The following SPECC1 variants were observed in gnomAD, a reference collection of about 807,000 sequenced individuals.
SPECC1 encodes cytospin-B.
A neutral mutation model predicts 104.1 loss-of-function variants in SPECC1; 62 were observed. The ratio of observed to expected loss-of-function variants is 0.60; its 90% confidence interval spans 0.49 to 0.74. The LOEUF (loss-of-function observed/expected upper bound fraction) is 0.74, where lower values mean the gene tolerates loss of function less well. Among genes scored for constraint, SPECC1 ranks in the 30% least tolerant of loss-of-function variants. The pLI, the probability that SPECC1 is intolerant of heterozygous loss-of-function variation, is 0.00. For missense variants in SPECC1, 1,306 were observed against 1,310.5 expected, an observed-to-expected ratio of 1.00 and a Z score of 0.05; for synonymous variants, 513 against 501.6, an observed-to-expected ratio of 1.02 and a Z score of -0.30.
At chr17:20,290,123 T>C (rs1324929166) in intron 12 of SPECC1, 1 of 152,156 alleles carries the variant, frequency 6.6e-6, no homozygotes, top group African/African-American at 2.4e-5. Context: ...CAGTGCAGTC[T>C]GTCCTGAGGC....
At chr17:20,147,714 A>C (rs1207153044) in intron 3 of SPECC1, among the ~76,000 whole-genome samples, 8 of 152,178 alleles carry the variant, frequency 5.3e-5, no homozygotes, top group African/African-American at 1.9e-4. Flanking sequence ...AAAGGTTTTT[A>C]CTAATTAAAG....
intron 3 of SPECC1, among the ~76,000 whole-genome samples, chr17:20,137,485 AT>A (rs1299927386): frequency 6.6e-6 from 1 of 152,166 alleles, no homozygotes; most frequent in African/African-American, 2.4e-5. Flanking sequence ...ATAAAATGTG[AT>A]TTTTCCCTCA....
intron 2 of SPECC1, among the ~76,000 whole-genome samples, chr17:20,100,265 T>G (rs2047882070): frequency 6.6e-6 from 1 of 152,090 alleles, no homozygotes; most frequent in African/African-American, 2.4e-5. Flanking sequence ...CCGCCTGACC[T>G]TTCCAGCCCT....
chr17:20,212,461 C>A (rs1435480429), intron 4 of SPECC1, among the ~76,000 whole-genome samples: 1 of 152,186 alleles, frequency 6.6e-6, no homozygotes, highest in African/African-American at 2.4e-5. Flanking sequence ...AGGTGAAAGG[C>A]ACATCTCACA....
At chr17:20,098,699 C>A (rs918228) in intron 2 of SPECC1, among the ~76,000 whole-genome samples, 1 of 151,922 alleles carries the variant, frequency 6.6e-6, no homozygotes, top group East Asian at 1.9e-4. Context: ...TCCCTCTGCC[C>A]GGAAAGCACC....
intron 7 of SPECC1, among the ~76,000 whole-genome samples, chr17:20,236,067 C>T (rs961365738): frequency 2.6e-5 from 4 of 152,238 alleles, no homozygotes; most frequent in African/African-American, 7.2e-5. Context: ...AGGGGAGGGG[C>T]GGAAGTTGGA....
intron 3 of SPECC1, among the ~76,000 whole-genome samples, chr17:20,127,437 C>CT (rs369424296): frequency 0.33 from 34,504 of 104,490 alleles, 7,026 homozygotes; most frequent in Non-Finnish European, 0.43. Flanking sequence ...ATCAGGTCAT[C>CT]TTTTTTTTTT....
intron 2 of SPECC1, among the ~76,000 whole-genome samples, chr17:20,107,824 C>T (rs1026610569): frequency 6.6e-6 from 1 of 152,086 alleles, no homozygotes. Context: ...CTGCGCTCGA[C>T]CATGTGATCC....
chr17:20,042,878 T>C (rs1445516949), intron 1 of SPECC1, among the ~76,000 whole-genome samples: 1 of 152,192 alleles, frequency 6.6e-6, no homozygotes, highest in Non-Finnish European at 1.5e-5. Flanking sequence ...GTCTGCCTCC[T>C]CTTCCCCTTC....
At chr17:20,217,675 G>A (rs1458457919) in intron 4 of SPECC1, among the ~76,000 whole-genome samples, 3 of 152,148 alleles carry the variant, frequency 2.0e-5, no homozygotes, top group African/African-American at 7.2e-5. Context: ...AGACTCAAAA[G>A]CCACCTTCTA....
At chr17:20,121,269 A>T (rs4925087) in intron 3 of SPECC1, among the ~76,000 whole-genome samples, 2 of 151,946 alleles carry the variant, frequency 1.3e-5, no homozygotes, top group African/African-American at 4.8e-5. Flanking sequence ...CGTGCCCACC[A>T]CAGGTTTCCA....
At chr17:20,075,183 G>C (rs1029214894) in intron 1 of SPECC1, among the ~76,000 whole-genome samples, 4 of 152,168 alleles carry the variant, frequency 2.6e-5, no homozygotes, top group Admixed American at 2.6e-4. Context: ...GATTATAGGC[G>C]TGAGCCCCCA....
intron 1 of SPECC1, among the ~76,000 whole-genome samples, chr17:20,074,127 G>C (rs1288650728): frequency 6.6e-6 from 1 of 152,144 alleles, no homozygotes; most frequent in Non-Finnish European, 1.5e-5. Context: ...GATGTCTAAG[G>C]TCCTGTGGAG....
chr17:20,083,839 C>T (rs948209937), intron 1 of SPECC1, among the ~76,000 whole-genome samples: 6 of 152,248 alleles, frequency 3.9e-5, no homozygotes, highest in Middle Eastern at 3.4e-3. Context: ...TTTGCATTTC[C>T]GCCAGCAATG....
At chr17:20,242,064 A>G (rs916221741) in intron 7 of SPECC1, among the ~76,000 whole-genome samples, 2 of 152,224 alleles carry the variant, frequency 1.3e-5, no homozygotes, top group African/African-American at 4.8e-5. Context: ...CCTCTTCACA[A>G]ATATTAATCT....
intron 3 of SPECC1, among the ~76,000 whole-genome samples, chr17:20,157,847 A>G (rs914938961): frequency 6.6e-6 from 1 of 152,220 alleles, no homozygotes; most frequent in Non-Finnish European, 1.5e-5. Context: ...GGCATTTTTA[A>G]GAGATGGTGT....
In SPECC1 at chr17:20,281,242, T is replaced by C. The variant is rs147979328; in HGVS notation, c.2941-15719T>C. Among the ~76,000 whole-genome samples the C allele has an allele frequency of 2.6e-4, 40 of 152,312 alleles. No individual in the cohort carries two copies. In the East Asian group the frequency reaches 7.3e-3, roughly 28 times the overall value. Reference sequence around the variant, plus strand: ...TACAGCGTGTCACCATTTCACTTAATGTTACAGTGTCCAAGAACCTCCCAA... The same window carrying C: ...TACAGCGTGTCACCATTTCACTTAACGTTACAGTGTCCAAGAACCTCCCAA... On this transcript the variant is annotated intron_variant, in intron 12 of 14. Transcript: ENST00000395527.
intron 1 of SPECC1, among the ~76,000 whole-genome samples, chr17:20,077,550 T>C (rs955385694): frequency 2.0e-5 from 3 of 152,078 alleles, no homozygotes; most frequent in Admixed American, 2.0e-4. Context: ...CACCACAACC[T>C]CTGCCTCCCA....
intron 3 of SPECC1, among the ~76,000 whole-genome samples, chr17:20,144,762 G>A (rs897794078): frequency 2.0e-5 from 3 of 152,156 alleles, no homozygotes; most frequent in Non-Finnish European, 2.9e-5. Context: ...GCATTACTAT[G>A]CCTGGCTCAA....
Sources: allele counts gnomAD v4.1 joint callset (sites outside exome capture counted in the v4.1 genomes callset), GRCh38; gene constraint gnomAD v4.1.1; transcripts MANE v1.5; gene names NCBI Gene and HGNC (gene_info 2026-07-23, HGNC 2026-07-21).